Variants in SIK3 observed in about 807,000 individuals in gnomAD.
SIK3 encodes serine/threonine-protein kinase SIK3.
SIK3 carries 28 observed loss-of-function variants against 144.2 expected under a neutral mutation model. The observed-to-expected ratio is 0.19, with a 90% CI of 0.14 to 0.27. The LOEUF is 0.27. SIK3 is among the 10% of genes least tolerant of loss of function. The probability of loss-of-function intolerance (pLI) is 1.00; values close to 1 mark genes in which losing one functional copy is unlikely to be tolerated. For missense variants in SIK3, 1,319 were observed against 1,776.0 expected, an observed-to-expected ratio of 0.74 and a Z score of 4.62; for synonymous variants, 686 against 676.3, an observed-to-expected ratio of 1.01 and a Z score of -0.22.
At chr11:117,015,084 A>C (rs1951462597) in intron 1 of SIK3, among the ~76,000 whole-genome samples, 1 of 152,180 alleles carries the variant, frequency 6.6e-6, no homozygotes, top group Admixed American at 6.5e-5. Flanking sequence ...AAAAGTTTTT[A>C]ATTTAAAAAA....
At chr11:116,961,529 C>G (rs1434096791) in intron 1 of SIK3, among the ~76,000 whole-genome samples, 3 of 152,054 alleles carry the variant, frequency 2.0e-5, no homozygotes, top group Non-Finnish European at 2.9e-5. Context: ...TGAATGTGTC[C>G]ACAACAAAGG....
intron 1 of SIK3, among the ~76,000 whole-genome samples, chr11:117,071,101 A>G (rs1954258286): frequency 6.6e-6 from 1 of 151,990 alleles, no homozygotes. Context: ...GCATTATCTC[A>G]TCACTACTTC....
At chr11:116,942,076 T>C (rs1377091814) in intron 3 of SIK3, among the ~76,000 whole-genome samples, 1 of 152,216 alleles carries the variant, frequency 6.6e-6, no homozygotes, top group African/African-American at 2.4e-5. Context: ...TTAGAATTCA[T>C]AATCTTCAAT....
intron 4 of SIK3, among the ~76,000 whole-genome samples, chr11:116,900,782 C>T (rs1243605730): frequency 6.6e-6 from 1 of 152,184 alleles, no homozygotes; most frequent in Non-Finnish European, 1.5e-5. Flanking sequence ...CAATGGCTTC[C>T]TCCTCCGTGC....
intron 1 of SIK3, among the ~76,000 whole-genome samples, chr11:117,070,752 C>CTTTTTTTT (rs368884148): frequency 7.8e-6 from 1 of 128,148 alleles, no homozygotes; most frequent in African/African-American, 3.1e-5. Context: ...GGCCCTTTTT[C>CTTTTTTTT]TTTTTTTTTT....
At chr11:116,890,707 ATTTT>A (rs950412714) in intron 6 of SIK3, among the ~76,000 whole-genome samples, 1 of 152,072 alleles carries the variant, frequency 6.6e-6, no homozygotes, top group East Asian at 1.9e-4. Flanking sequence ...ATCCAATCTA[ATTTT>A]TTTTATTCTG....
At chr11:117,096,585 T>C (rs1955483180) in intron 1 of SIK3, among the ~76,000 whole-genome samples, 1 of 152,070 alleles carries the variant, frequency 6.6e-6, no homozygotes, top group African/African-American at 2.4e-5. Flanking sequence ...TGGACTTTGG[T>C]ATCTCATTCA....
intron 4 of SIK3, among the ~76,000 whole-genome samples, chr11:116,906,633 G>T (rs1946055840): frequency 6.6e-6 from 1 of 152,096 alleles, no homozygotes; most frequent in Admixed American, 6.5e-5. Flanking sequence ...AGCAGAAAAA[G>T]GTGGCTTACA....
intron 4 of SIK3, among the ~76,000 whole-genome samples, chr11:116,913,999 G>T (rs1393885860): frequency 6.6e-6 from 1 of 152,050 alleles, no homozygotes; most frequent in Non-Finnish European, 1.5e-5. Flanking sequence ...CCTACTTTTA[G>T]AGAAAAGAAG....
At chr11:117,067,116 C>T (rs1954059291) in intron 1 of SIK3, among the ~76,000 whole-genome samples, 1 of 152,112 alleles carries the variant, frequency 6.6e-6, no homozygotes, top group South Asian at 2.1e-4. Flanking sequence ...GACAATTTGG[C>T]AGTTTCTTTA....
intron 19 of SIK3, among the ~76,000 whole-genome samples, chr11:116,860,692 A>G (rs1383705118): frequency 2.0e-5 from 3 of 152,194 alleles, no homozygotes; most frequent in Non-Finnish European, 2.9e-5. Flanking sequence ...CTGTACCATA[A>G]TTATCCTCAG....
At chr11:116,852,984 G>A (rs1050941444) in intron 21 of SIK3, among the ~76,000 whole-genome samples, 1 of 152,198 alleles carries the variant, frequency 6.6e-6, no homozygotes. Context: ...GGAGGGTGCA[G>A]AGTGGGCAAG....
rs888348573 is a variant in SIK3, at chr11:116,844,400, A to G, written c.*1243T>C. On this transcript the variant is annotated 3_prime_UTR_variant, in exon 25 of 25. Transcript: ENST00000445177. ...TTAAACAAAAATTCCTTTTCTCTTT[A>G]TTTATTAATAATGATAATAACAATA... 2.0e-5 allele frequency: 3 copies of G among 148,578 alleles called. No individual in the cohort carries two copies. The highest frequency in any genetic ancestry group is 7.6e-5 in the African/African-American group (3 of 39,722). 9.2% of individuals were successfully genotyped at this position (148,578 alleles called of 1,614,324 possible).
intron 1 of SIK3, among the ~76,000 whole-genome samples, chr11:117,062,732 A>C (rs1415669655): frequency 6.6e-6 from 1 of 152,210 alleles, no homozygotes; most frequent in East Asian, 1.9e-4. Flanking sequence ...AGTGTGGAAA[A>C]AGTGCATGCC....
intron 1 of SIK3, among the ~76,000 whole-genome samples, chr11:116,992,082 C>T (rs1446131291): frequency 4.6e-5 from 7 of 152,024 alleles, no homozygotes; most frequent in East Asian, 3.9e-4. Flanking sequence ...TCAGCACTTT[C>T]GGAGGCCAAA....
intron 1 of SIK3, among the ~76,000 whole-genome samples, chr11:117,016,828 G>A (rs772384366): frequency 3.3e-5 from 5 of 152,120 alleles, no homozygotes; most frequent in Admixed American, 6.6e-5. Context: ...GTTCTCAGCT[G>A]CAAATTCATA....
intron 6 of SIK3, among the ~76,000 whole-genome samples, chr11:116,895,231 C>G (rs892309533): frequency 9.2e-5 from 14 of 152,166 alleles, no homozygotes; most frequent in Non-Finnish European, 2.1e-4. Context: ...GCTCCATCCC[C>G]GCGGCCTCTG....
chr11:116,869,004 G>A lies in SIK3; in HGVS notation c.1809-915C>T, dbSNP rs1449324849. 2.0e-5 allele frequency: 3 copies of A among 152,138 alleles called. No individual in the cohort carries two copies. The East Asian group carries it at 5.8e-4, about 29-fold the overall frequency. The allele number at this position is 152,138 out of a possible 1,614,324, so 9.4% of individuals were successfully genotyped here. A position where few individuals can be genotyped will look rare whatever the true frequency, so the allele number is the denominator to read the frequency against. On this transcript the variant is annotated intron_variant, in intron 14 of 24. Transcript: ENST00000445177. ...ACCCTTGAAATGTTGGTCTAAAGAAGAAAGAAGGTAGACCTGGAGGAAGGA... is the reference window on the plus strand; with the variant it reads ...ACCCTTGAAATGTTGGTCTAAAGAAAAAAGAAGGTAGACCTGGAGGAAGGA...
rs1941791709 is a variant in SIK3 at position 116,844,630 on chromosome 11, AT to A, written c.*1012del. 5.7e-4 allele frequency: 20 copies of A among 34,850 alleles called. 1 individual carries two copies. In the South Asian group the frequency reaches 9.2e-3, roughly 16 times the overall value. 2.2% of individuals were successfully genotyped at this position (34,850 alleles called of 1,614,324 possible). ...ATATTATATATATAATATATATATAATATATTATATTATATATTATATATAT... is the reference window on the plus strand; with the variant it reads ...ATATTATATATATAATATATATATAAATATTATATTATATATTATATATAT... On this transcript the variant is annotated 3_prime_UTR_variant, in exon 25 of 25. Coordinates refer to ENST00000445177, the MANE Select transcript of SIK3 (RefSeq NM_001366686.3).
Sources: gnomAD v4.1 joint callset for allele counts (sites outside exome capture counted in the v4.1 genomes callset) on GRCh38, gnomAD v4.1.1 for gene constraint, MANE v1.5 for transcripts, NCBI Gene and HGNC (gene_info 2026-07-23, HGNC 2026-07-21) for gene names.